BRINP1: variants seen among roughly 807,000 people sequenced by gnomAD.
BRINP1 encodes the protein BMP/retinoic acid-inducible neural-specific protein 1.
In BRINP1, 17 loss-of-function variants were observed where a neutral mutation model predicts 72.9. The observed-to-expected ratio is 0.23, with a 90% CI of 0.16 to 0.35. BRINP1 has a LOEUF of 0.35. Among genes scored for constraint, BRINP1 ranks in the 10% least tolerant of loss-of-function variants. The probability of loss-of-function intolerance (pLI) is 1.00; values close to 1 mark genes in which losing one functional copy is unlikely to be tolerated. For missense variants in BRINP1, 850 were observed against 1,001.6 expected (o/e 0.85, Z 2.04); for synonymous variants, 418 against 378.5 (o/e 1.10, Z -1.21).
At chr9:119,278,572 A>G (rs984564083) in intron 2 of BRINP1, among the ~76,000 whole-genome samples, 3 of 152,178 alleles carry the variant, frequency 2.0e-5, no homozygotes, top group Non-Finnish European at 4.4e-5. Context: ...AGACAAATTC[A>G]TTTACCTTGC....
chr9:119,212,437 C>A (rs1829938356), intron 6 of BRINP1, among the ~76,000 whole-genome samples: 1 of 152,180 alleles, frequency 6.6e-6, no homozygotes, highest in African/African-American at 2.4e-5. Flanking sequence ...GAGGGAACCT[C>A]AGGCCTGGGG....
At chr9:119,359,753 T>C (rs1236455647) in intron 1 of BRINP1, among the ~76,000 whole-genome samples, 5 of 152,222 alleles carry the variant, frequency 3.3e-5, no homozygotes, top group Admixed American at 2.6e-4. Context: ...TCAACCTCTC[T>C]AGAATGGGGC....
rs147821876 is a variant in BRINP1 at position 119,241,289 on chromosome 9, C to T, written c.579+758G>A. ...CACCATCTTAGAAGGTACTACTGGA[C>T]GGTGCTGGTGTAGGCGAGCCTAGAT... On this transcript the variant is annotated intron_variant, in intron 4 of 7. Transcript: ENST00000265922. 1.2e-4 allele frequency among the ~76,000 whole-genome samples: 19 copies of T among 152,242 alleles called. No individual in the cohort carries two copies. The East Asian group carries it at 1.5e-3, about 12-fold the overall frequency.
rs183535981 is a variant in BRINP1 at position 119,222,822 on chromosome 9, G to A, written c.686-8667C>T. On this transcript the variant is annotated intron_variant, in intron 5 of 7. Coordinates refer to ENST00000265922, the MANE Select transcript of BRINP1 (RefSeq NM_014618.3). ...TTATGAAATCACCAAGGATAAGGAA[G>A]CCAGCATACTTTTTTTTTCAATTTC... Among the ~76,000 whole-genome samples, 242 of 152,112 alleles carry A rather than the reference G, an allele frequency of 1.6e-3. 1 individual carries two copies. The highest frequency in any genetic ancestry group is 5.5e-3 in the African/African-American group (230 of 41,524).
At chr9:119,201,261 A>C (rs1361946046) in intron 7 of BRINP1, among the ~76,000 whole-genome samples, 1 of 152,204 alleles carries the variant, frequency 6.6e-6, no homozygotes, top group Non-Finnish European at 1.5e-5. Flanking sequence ...CTACTCATTA[A>C]AATTGACTAA....
chr9:119,168,011 G>C lies in BRINP1; in HGVS notation c.1359C>G (p.Gly453=). The C allele has an allele frequency of 6.2e-7, 1 of 1,613,760 alleles. No homozygotes were observed. Among genetic ancestry groups the C allele is most frequent in the South Asian group, 1.1e-5 (1 of 91,076 alleles). Residue 453 remains glycine (G), a synonymous_variant, in exon 8 of 8, where the codon GGC becomes GGG. Transcript: ENST00000265922. ...NISLCGSCNK[G]YKLYRGRCEP... Reference sequence around the variant, plus strand: ...CACAGCGGCCTCGATACAGCTTGTAGCCCTTGTTGCAGGAGCCGCAGAGGG... The same window carrying C: ...CACAGCGGCCTCGATACAGCTTGTACCCCTTGTTGCAGGAGCCGCAGAGGG...
chr9:119,167,571 C>A lies in BRINP1; in HGVS notation c.1799G>T (p.Trp600Leu). ...CCACCGATTGCCCAGCAAAAGAGTCCAGTTGTAGCACTGGCTGTTTTGGAG... is the reference window on the plus strand; with the variant it reads ...CCACCGATTGCCCAGCAAAAGAGTCAAGTTGTAGCACTGGCTGTTTTGGAG... ...IRLQNSQCYN[W>L]TLLLGNRWKT... Residue 600 changes from tryptophan (W) to leucine (L), a missense_variant, in exon 8 of 8, where the codon TGG (tryptophan) becomes TTG (leucine). Physicochemically the swap from Trp to Leu is moderately conservative, Grantham distance 61. Transcript: ENST00000265922. This position sits in a 1 kb window ranked among gnomAD's most constrained non-coding sequence, Gnocchi z 4.3. 2 of 1,614,134 alleles carry A rather than the reference C, an allele frequency of 1.2e-6. No homozygotes were observed. The highest frequency in any genetic ancestry group is 2.2e-5 in the South Asian group (2 of 91,074).
At chr9:119,218,733 C>A (rs553612049) in intron 5 of BRINP1, among the ~76,000 whole-genome samples, 2 of 141,134 alleles carry the variant, frequency 1.4e-5, no homozygotes, top group African/African-American at 5.3e-5. Flanking sequence ...TTTATACCCC[C>A]TGAAACTCAG....
At chr9:119,290,007 A>T (rs999385109) in intron 2 of BRINP1, among the ~76,000 whole-genome samples, 1 of 152,218 alleles carries the variant, frequency 6.6e-6, no homozygotes, top group African/African-American at 2.4e-5. Flanking sequence ...TTCAATAATT[A>T]AATCAGGAAC....
At chr9:119,341,675 T>C (rs1831407631) in intron 1 of BRINP1, among the ~76,000 whole-genome samples, 1 of 152,178 alleles carries the variant, frequency 6.6e-6, no homozygotes, top group Non-Finnish European at 1.5e-5. Context: ...TAAACTACGA[T>C]GTTTGGTAGA....
At chr9:119,327,534 C>T (rs1831252057) in intron 1 of BRINP1, among the ~76,000 whole-genome samples, 1 of 152,168 alleles carries the variant, frequency 6.6e-6, no homozygotes, top group East Asian at 1.9e-4. Context: ...GTCAGAGTTT[C>T]ATTTTAGATG....
At chr9:119,257,930 T>C (rs1246263938) in intron 2 of BRINP1, among the ~76,000 whole-genome samples, 1 of 151,702 alleles carries the variant, frequency 6.6e-6, no homozygotes, top group East Asian at 1.9e-4. Context: ...AACAGCCACA[T>C]CCAGGCAGAT....
At chr9:119,208,190 ACT>A (rs1482757647) in intron 7 of BRINP1, among the ~76,000 whole-genome samples, 1 of 151,944 alleles carries the variant, frequency 6.6e-6, no homozygotes, top group African/African-American at 2.4e-5. Context: ...TGAAGGTGAC[ACT>A]CTCTCAGGTG....
intron 2 of BRINP1, among the ~76,000 whole-genome samples, chr9:119,253,230 A>T (rs1181075586): frequency 6.6e-6 from 1 of 152,208 alleles, no homozygotes; most frequent in Non-Finnish European, 1.5e-5. Flanking sequence ...TAAAAATAGG[A>T]CTACCATATG....
At chr9:119,357,572 T>C (rs557866017) in intron 1 of BRINP1, among the ~76,000 whole-genome samples, 1 of 152,298 alleles carries the variant, frequency 6.6e-6, no homozygotes, top group South Asian at 2.1e-4. Context: ...TAAATTACTA[T>C]TTTAAGAGGC....
chr9:119,191,633 G>A (rs984639153), intron 7 of BRINP1, among the ~76,000 whole-genome samples: 2 of 151,854 alleles, frequency 1.3e-5, no homozygotes, highest in Admixed American at 1.3e-4. Flanking sequence ...TAAATGAAAA[G>A]ATATTCTGTG....
chr9:119,261,022 T>C (rs1157053332), intron 2 of BRINP1, among the ~76,000 whole-genome samples: 1 of 152,116 alleles, frequency 6.6e-6, no homozygotes, highest in Non-Finnish European at 1.5e-5. Context: ...ATAATTTAAT[T>C]TAAAATATTC....
Position 119,208,949 on chromosome 9 carries a change from G to T in BRINP1, c.923-8C>A. On this transcript the variant is annotated splice_region_variant and splice_polypyrimidine_tract_variant and intron_variant, in intron 6 of 7. Transcript: ENST00000265922. ...TAAATGATTTAAACTCATCTAGTGA[G>T]AGACAAAGGCCGAGAGAGAAGGGCT... The T allele has an allele frequency of 6.2e-7, 1 of 1,608,920 alleles. No individual in the cohort carries two copies. Among genetic ancestry groups the T allele is most frequent in the Non-Finnish European group, 8.5e-7 (1 of 1,175,324 alleles).
chr9:119,311,454 C>T (rs1831067062), intron 2 of BRINP1, among the ~76,000 whole-genome samples: 1 of 152,178 alleles, frequency 6.6e-6, no homozygotes, highest in Non-Finnish European at 1.5e-5. Context: ...TACAAGCCTT[C>T]TCTAGTATAA....
Sources: gnomAD v4.1 joint callset for allele counts (sites outside exome capture counted in the v4.1 genomes callset) on GRCh38, gnomAD v4.1.1 for gene constraint, Gnocchi (gnomAD v3.1) non-coding constraint, MANE v1.5 for transcripts, NCBI Gene and HGNC (gene_info 2026-07-23, HGNC 2026-07-21) for gene names.